NRP1: variants seen among roughly 807,000 people sequenced by gnomAD.
The protein encoded by NRP1 is neuropilin 1.
In NRP1, 35 loss-of-function variants were observed where a neutral mutation model predicts 106.7. The observed-to-expected ratio is 0.33, with a 90% CI of 0.25 to 0.43. The LOEUF is 0.43. NRP1 is among the 20% of genes least tolerant of loss of function. The pLI is 1.00. For missense variants in NRP1, 1,024 were observed against 1,170.4 expected, an observed-to-expected ratio of 0.87 and a Z score of 1.83; for synonymous variants, 437 against 417.9, an observed-to-expected ratio of 1.05 and a Z score of -0.56.
chr10:33,289,896 G>A (rs1399660237), intron 2 of NRP1, among the ~76,000 whole-genome samples: 2 of 152,164 alleles, frequency 1.3e-5, no homozygotes, highest in African/African-American at 4.8e-5. Flanking sequence ...TATCTGCGGA[G>A]GCCAGCATTT....
intron 2 of NRP1, among the ~76,000 whole-genome samples, chr10:33,319,228 T>C (rs940788404): frequency 6.6e-6 from 1 of 151,794 alleles, no homozygotes; most frequent in South Asian, 2.1e-4. Flanking sequence ...GGATGGTCTT[T>C]ATCTCCTGAC....
chr10:33,273,913 T>C (rs370666802), intron 2 of NRP1, among the ~76,000 whole-genome samples: 4 of 152,140 alleles, frequency 2.6e-5, no homozygotes, highest in Non-Finnish European at 5.9e-5. Flanking sequence ...GGCTCCCATC[T>C]GGGGAAGGTC....
rs1049322477 is a variant in NRP1, at chr10:33,186,427, C to T, written c.2124G>A (p.Leu708=). The T allele has an allele frequency of 6.2e-7, 1 of 1,613,958 alleles. No homozygotes were observed. The highest frequency in any genetic ancestry group is 8.5e-7 in the Non-Finnish European group (1 of 1,179,988). Residue 708 remains leucine (L), a synonymous_variant, in exon 14 of 17, where the codon CTG becomes CTA. Transcript: ENST00000374867. ...DENQKGKVAR[L]VSPVVYSQNS... is the part of the protein sequence containing the mutation. Reference sequence around the variant, plus strand: ...TCTGGGAATAAACCACAGGGCTCACCAGGCGAGCCACTTTGCCCTTCTGAT... The same window carrying T: ...TCTGGGAATAAACCACAGGGCTCACTAGGCGAGCCACTTTGCCCTTCTGAT...
chr10:33,191,977 C>CAAAAAAAA (rs58214479), intron 13 of NRP1, among the ~76,000 whole-genome samples: 2 of 71,744 alleles, frequency 2.8e-5, no homozygotes, highest in Non-Finnish European at 6.2e-5. Flanking sequence ...GACTCCATTT[C>CAAAAAAAA]AAAAAAAAAA....
At chr10:33,308,546 G>C (rs1405143562) in intron 2 of NRP1, among the ~76,000 whole-genome samples, 1 of 151,890 alleles carries the variant, frequency 6.6e-6, no homozygotes, top group Non-Finnish European at 1.5e-5. Flanking sequence ...GAGTTTAGTG[G>C]CGCGATCTCG....
At chr10:33,202,534 T>C (rs1184902026) in intron 11 of NRP1, 3 of 1,295,962 alleles carry the variant, frequency 2.3e-6, no homozygotes, top group East Asian at 2.7e-5. Flanking sequence ...CATTCTGAAG[T>C]GTGTGGTTAC....
intron 6 of NRP1, among the ~76,000 whole-genome samples, chr10:33,247,873 G>A (rs12243943): frequency 0.062 from 9,484 of 152,208 alleles, 905 homozygotes; most frequent in African/African-American, 0.21. Context: ...ATCTTTCTCC[G>A]GAGTCAGGAC....
intron 12 of NRP1, 114 bp from the exon 13 acceptor site, chr10:33,192,532 T>C (rs1408049606): frequency 5.5e-6 from 6 of 1,100,504 alleles, no homozygotes; most frequent in Non-Finnish European, 7.7e-6. Flanking sequence ...TACAACTTTA[T>C]GTCTGTTTGA....
intron 9 of NRP1, among the ~76,000 whole-genome samples, chr10:33,208,566 T>C (rs1205237939): frequency 6.6e-6 from 1 of 152,094 alleles, no homozygotes; most frequent in Non-Finnish European, 1.5e-5. Flanking sequence ...TATATCCTCT[T>C]CTCCAGCATC....
chr10:33,231,411 T>C (rs1246249923), intron 6 of NRP1, among the ~76,000 whole-genome samples: 9 of 152,216 alleles, frequency 5.9e-5, no homozygotes, highest in Non-Finnish European at 1.2e-4. Context: ...GAGTTTCTTT[T>C]CCCATGCAAA....
chr10:33,202,904 G>C lies in NRP1; in HGVS notation c.1851C>G (p.Asp617Glu). The change falls in exon 11 of 17, where the codon GAC becomes GAG. Residue 617 changes from aspartate to glutamate, a missense_variant. Around this residue, in one of 5 missense-constraint regions of NRP1, gnomAD observed 562 missense variants for 620.3 expected, o/e 0.91. Transcript: ENST00000374867. ...QANCHSGTGD[D>E]FQLTGGTTVL... ...TGGTTTCTGCACCTGTGAGCTGGAA[G>C]TCATCACCTGTTCCACTGTGGCAGT... is the stretch of plus-strand genomic sequence containing the variant. The C allele has an allele frequency of 6.2e-7, 1 of 1,614,226 alleles. No individual in the cohort carries two copies. The highest frequency in any genetic ancestry group is 8.5e-7 in the Non-Finnish European group (1 of 1,180,048).
chr10:33,201,133 TGTCA>T (rs1293063565), intron 11 of NRP1: 3 of 152,238 alleles, frequency 2.0e-5, no homozygotes, highest in African/African-American at 4.8e-5. Context: ...TTTGAAAGGT[TGTCA>T]GTGTTTCCAC....
At chr10:33,213,962 G>A (rs898892154) in intron 8 of NRP1, among the ~76,000 whole-genome samples, 64 of 151,990 alleles carry the variant, frequency 4.2e-4, no homozygotes, top group African/African-American at 1.4e-3. Context: ...CATTTCCCCC[G>A]CTTTGACATC....
chr10:33,329,723 A>G (rs554167853), intron 2 of NRP1, among the ~76,000 whole-genome samples: 122 of 152,132 alleles, frequency 8.0e-4, no homozygotes, highest in African/African-American at 2.8e-3. Flanking sequence ...AACTTAAAAG[A>G]TGGATATTCA....
rs975463210 is a variant in NRP1 at position 33,213,792 on chromosome 10, T to A, written c.1283-75A>T. On this transcript the variant is annotated intron_variant, in intron 8 of 16. Transcript: ENST00000374867. ...CCATGCTAAGAAATAAAATACAACA[T>A]ATGGAATAAAGACATGATTTTGTAC... is the stretch of plus-strand genomic sequence containing the variant. The A allele has an allele frequency of 1.5e-5, 17 of 1,120,388 alleles. No homozygotes were observed. In the African/African-American group the frequency reaches 2.7e-4, roughly 18 times the overall value. 69.4% of individuals were successfully genotyped at this position (1,120,388 alleles called of 1,614,324 possible).
At chr10:33,263,188 T>C (rs1267379909) in intron 4 of NRP1, among the ~76,000 whole-genome samples, 1 of 152,218 alleles carries the variant, frequency 6.6e-6, no homozygotes, top group Non-Finnish European at 1.5e-5. Context: ...ATGCATAGTT[T>C]AGCCTTAAAA....
intron 10 of NRP1, chr10:33,206,085 T>C (rs1837752383): frequency 4.7e-6 from 2 of 427,242 alleles, no homozygotes; most frequent in South Asian, 3.5e-5. Context: ...CATGTTCTCA[T>C]TACAATTTTT....
In NRP1 at chr10:33,263,689, G is replaced by A. The variant is rs776603181; in HGVS notation, c.615C>T (p.Phe205=). 1 of 1,614,130 alleles carries A rather than the reference G, an allele frequency of 6.2e-7. No individual in the cohort carries two copies. The highest frequency in any genetic ancestry group is 1.7e-5 in the Admixed American group (1 of 60,026). The stretch of plus-strand genomic sequence containing the variant: ...AGATTTCTAGCCGGTCGTAGCGACA[G>A]AACATCCCCCCTGGAGGATTTGAGT... ...EPDSNPPGGM[F]CRYDRLEIWD... Residue 205 remains phenylalanine (F), a synonymous_variant, in exon 4 of 17, where the codon TTC becomes TTT. Transcript: ENST00000374867.
At chr10:33,181,008 T>C (rs1371483760) in intron 16 of NRP1, among the ~76,000 whole-genome samples, 1 of 152,196 alleles carries the variant, frequency 6.6e-6, no homozygotes, top group Non-Finnish European at 1.5e-5. Context: ...TCATGCCAAA[T>C]AGAAGACATT....
Sources: allele counts gnomAD v4.1 joint callset (sites outside exome capture counted in the v4.1 genomes callset), GRCh38; gene constraint gnomAD v4.1.1; regional missense constraint gnomAD v4.1.1; transcripts MANE v1.5; gene names NCBI Gene and HGNC (gene_info 2026-07-23, HGNC 2026-07-21).